MRPS6: variants seen among roughly 807,000 people sequenced by gnomAD.
MRPS6 encodes mitochondrial ribosomal protein S6, also known as small ribosomal subunit protein bS6m.
A neutral mutation model predicts 13.1 loss-of-function variants in MRPS6; 6 were observed. The ratio of observed to expected loss-of-function variants is 0.46; its 90% confidence interval spans 0.25 to 0.91. MRPS6 has a LOEUF of 0.91. Among genes scored for constraint, MRPS6 ranks in the 40% least tolerant of loss-of-function variants. The pLI is 0.18. For synonymous variants in MRPS6, 61 were observed against 56.5 expected (o/e 1.08, Z -0.36); for missense variants, 164 against 155.6 (o/e 1.05, Z -0.29).
At chr21:34,097,733 C>A in intron 1 of MRPS6, 5 of 1,006,664 alleles carry the variant, frequency 5.0e-6, no homozygotes, top group Non-Finnish European at 6.0e-6. Context: ...AAGATTTGCT[C>A]ATTTCTAAAT....
In MRPS6 at chr21:34,075,949, C is replaced by T. The variant is rs117543794; in HGVS notation, c.45+2204C>T. 5.8e-3 allele frequency among the ~76,000 whole-genome samples: 881 copies of T among 152,324 alleles called. 8 individuals carry two copies. Among genetic ancestry groups the T allele is most frequent in the Non-Finnish European group, 0.011 (719 of 68,030 alleles). On this transcript the variant is annotated intron_variant, in intron 1 of 2. Coordinates refer to ENST00000399312, the MANE Select transcript of MRPS6 (RefSeq NM_032476.4). Reference sequence around the variant, plus strand: ...GCCTTGGAGAAACCACAGTTCTAACCCGAGGCACTTTGTGCTTCTGTTGCA... The same window carrying T: ...GCCTTGGAGAAACCACAGTTCTAACTCGAGGCACTTTGTGCTTCTGTTGCA...
intron 1 of MRPS6, among the ~76,000 whole-genome samples, chr21:34,116,584 C>T (rs865999345): frequency 7.7e-6 from 1 of 129,610 alleles, no homozygotes; most frequent in Non-Finnish European, 1.6e-5. Flanking sequence ...GCTTAAATTC[C>T]TAGAATGCTG....
In MRPS6 at chr21:34,110,292, C is replaced by T. The variant is rs528522243; in HGVS notation, c.46-15049C>T. On this transcript the variant is annotated intron_variant, in intron 1 of 2. Coordinates refer to ENST00000399312, the MANE Select transcript of MRPS6 (RefSeq NM_032476.4). ...CAGCTTGGGCAACATAACGAAACCC[C>T]ATATCTACAAAATACACAAAAGTTA... Among the ~76,000 whole-genome samples the T allele has an allele frequency of 2.0e-4, 30 of 152,218 alleles. No individual in the cohort carries two copies. The South Asian group carries it at 6.0e-3, about 31-fold the overall frequency.
At chr21:34,074,602 ACTC>A (rs564471494) in intron 1 of MRPS6, among the ~76,000 whole-genome samples, 75 of 151,544 alleles carry the variant, frequency 4.9e-4, no homozygotes, top group South Asian at 2.9e-3. Flanking sequence ...TGGGTCATGT[ACTC>A]CTCAAGTCGT....
chr21:34,083,685 C>G (rs556948595), intron 1 of MRPS6, among the ~76,000 whole-genome samples: 1 of 152,144 alleles, frequency 6.6e-6, no homozygotes, highest in Non-Finnish European at 1.5e-5. Flanking sequence ...CTTTAAGACA[C>G]CAAGTTTCCA....
intron 1 of MRPS6, chr21:34,103,373 G>C: frequency 1.0e-6 from 1 of 995,460 alleles, no homozygotes; most frequent in Non-Finnish European, 1.2e-6. Flanking sequence ...CCTTTATTTA[G>C]GTTCAGTGAA....
chr21:34,125,568 T>A, intron 2 of MRPS6, 88 bp downstream of exon 2: 1 of 1,540,004 alleles, frequency 6.5e-7, no homozygotes, highest in Admixed American at 2.1e-5. Context: ...TCTTAAAATT[T>A]CACATTGAGA....
chr21:34,106,294 C>G (rs1979473732), intron 1 of MRPS6: 1 of 453,794 alleles, frequency 2.2e-6, no homozygotes, highest in African/African-American at 2.1e-5. Context: ...AGTATGAACA[C>G]TGCCACAATG....
chr21:34,135,188 T>C (rs1019635809), intron 2 of MRPS6, among the ~76,000 whole-genome samples: 20 of 152,148 alleles, frequency 1.3e-4, no homozygotes, highest in African/African-American at 3.9e-4. Context: ...GGGGTTGTTA[T>C]AGGTACAGCT....
At chr21:34,104,158 A>G (rs1979371620) in intron 1 of MRPS6, 1 of 999,870 alleles carries the variant, frequency 1.0e-6, no homozygotes, top group Non-Finnish European at 1.2e-6. Context: ...GCTTCATTTT[A>G]ATAAAGGATA....
In MRPS6 at chr21:34,102,856, A is replaced by T. The variant is rs568912727; in HGVS notation, c.46-22485A>T. 8.0e-6 allele frequency: 8 copies of T among 999,940 alleles called. No individual in the cohort carries two copies. In the African/African-American group the frequency reaches 1.4e-4, roughly 17 times the overall value. 61.9% of individuals were successfully genotyped at this position (999,940 alleles called of 1,614,324 possible). A position where few individuals can be genotyped will look rare whatever the true frequency, so the allele number is the denominator to read the frequency against. ...CTAGGTTGTTTACATTCAGAGCTCT[A>T]TCAATAAGAGGAATACATATTACAG... On this transcript the variant is annotated intron_variant, in intron 1 of 2. Coordinates refer to ENST00000399312, the MANE Select transcript of MRPS6 (RefSeq NM_032476.4).
At chr21:34,140,258 T>C (rs2409517) in intron 2 of MRPS6, among the ~76,000 whole-genome samples, 19,498 of 152,022 alleles carry the variant, frequency 0.13, 3,916 homozygotes, top group African/African-American at 0.43. Context: ...TCAGTAGATA[T>C]GAATTTCCTG....
chr21:34,077,401 T>C (rs1168613825), intron 1 of MRPS6, among the ~76,000 whole-genome samples: 2 of 152,218 alleles, frequency 1.3e-5, no homozygotes, highest in African/African-American at 4.8e-5. Context: ...CGTGCCCTTT[T>C]CCCAGAAGGT....
At chr21:34,137,258 G>GT (rs2123273984) in intron 2 of MRPS6, among the ~76,000 whole-genome samples, 1 of 152,168 alleles carries the variant, frequency 6.6e-6, no homozygotes, top group Admixed American at 6.5e-5. Flanking sequence ...CTCAATTTTT[G>GT]TTTAACTTGG....
At chr21:34,082,975 G>A (rs1989493099) in intron 1 of MRPS6, among the ~76,000 whole-genome samples, 1 of 152,176 alleles carries the variant, frequency 6.6e-6, no homozygotes, top group African/African-American at 2.4e-5. Flanking sequence ...GCAAGTGAAA[G>A]CACAGACTTA....
At position 34,073,583 on chromosome 21, in the gene MRPS6, C is replaced by T. The variant is rs1459290963; in HGVS notation, c.-118C>T. ...GGCTCGCGCTCTCGGACCGTGCTTT[C>T]GCCGCCTGGGAGCCGTCCGGCGCAG... On this transcript the variant is annotated 5_prime_UTR_variant, in exon 1 of 3. Coordinates refer to ENST00000399312, the MANE Select transcript of MRPS6 (RefSeq NM_032476.4). 7.0e-6 allele frequency: 6 copies of T among 858,166 alleles called. No individual in the cohort carries two copies. The highest frequency in any genetic ancestry group is 3.6e-5 in the African/African-American group (2 of 55,102). The allele number at this position is 858,166 out of a possible 1,614,324, so 53.2% of individuals were successfully genotyped here. A position where few individuals can be genotyped will look rare whatever the true frequency, so the allele number is the denominator to read the frequency against.
intron 2 of MRPS6, among the ~76,000 whole-genome samples, chr21:34,129,504 A>C (rs1184271014): frequency 6.6e-6 from 1 of 152,078 alleles, no homozygotes; most frequent in African/African-American, 2.4e-5. Flanking sequence ...GCCTGTTCTC[A>C]TCTGCTTTAA....
intron 1 of MRPS6, among the ~76,000 whole-genome samples, chr21:34,080,103 G>C (rs1423631744): frequency 6.6e-6 from 1 of 152,130 alleles, no homozygotes; most frequent in Admixed American, 6.5e-5. Flanking sequence ...ATACTACTGA[G>C]GGGAGGATAG....
chr21:34,120,622 C>T (rs995955871), intron 1 of MRPS6, among the ~76,000 whole-genome samples: 6 of 151,848 alleles, frequency 4.0e-5, no homozygotes, highest in African/African-American at 7.3e-5. Flanking sequence ...TATACTATTT[C>T]GTTAAATTTT....
Sources: allele counts gnomAD v4.1 joint callset (sites outside exome capture counted in the v4.1 genomes callset), GRCh38; gene constraint gnomAD v4.1.1; transcripts MANE v1.5; gene names NCBI Gene and HGNC (gene_info 2026-07-23, HGNC 2026-07-21).